The following SLC30A9 variants were observed in gnomAD, a reference collection of about 807,000 sequenced individuals.
The protein encoded by SLC30A9 is solute carrier family 30 member 9, also known as proton-coupled zinc antiporter SLC30A9, mitochondrial.
Under a neutral mutation model 87.5 loss-of-function variants are expected in SLC30A9, and 58 were observed. That is an observed-to-expected ratio of 0.66 (90% CI 0.54 to 0.82). The LOEUF (loss-of-function observed/expected upper bound fraction) is 0.82. SLC30A9 is among the 40% of genes least tolerant of loss of function. SLC30A9 has a pLI of 0.00. For missense variants in SLC30A9, 557 were observed against 679.1 expected (o/e 0.82, Z 2.00); for synonymous variants, 234 against 233.0 (o/e 1.00, Z -0.04).
intron 1 of SLC30A9, among the ~76,000 whole-genome samples, chr4:41,995,257 T>TC (rs1714649005): frequency 1.3e-5 from 2 of 151,260 alleles, no homozygotes; most frequent in Admixed American, 6.6e-5. Context: ...CAAAACTCCG[T>TC]CCCCCCACCA....
Position 42,083,479 on chromosome 4 carries a change from G to A in SLC30A9, c.1663-2603G>A, listed in dbSNP as rs192853156. On this transcript the variant is annotated intron_variant, in intron 17 of 17. Transcript: ENST00000264451. ...TAAGCAGTAAACATTGAATTTTAAG[G>A]ATATTAATCATATTTATTCATTCAG... Among the ~76,000 whole-genome samples, 185 of 152,150 alleles carry A rather than the reference G, an allele frequency of 1.2e-3. 1 individual carries two copies. The highest frequency in any genetic ancestry group is 2.9e-3 in the Admixed American group (45 of 15,288).
At chr4:42,002,741 G>A (rs182990040) in intron 2 of SLC30A9, among the ~76,000 whole-genome samples, 1 of 152,176 alleles carries the variant, frequency 6.6e-6, no homozygotes, top group Admixed American at 6.5e-5. Context: ...GAACATATGA[G>A]TGCATGTGTC....
At chr4:42,072,622 G>A (rs1346708626) in intron 15 of SLC30A9, among the ~76,000 whole-genome samples, 1 of 151,976 alleles carries the variant, frequency 6.6e-6, no homozygotes, top group African/African-American at 2.4e-5. Flanking sequence ...TTTTATATTA[G>A]TTCTGTCCTT....
chr4:42,033,977 G>A lies in SLC30A9; in HGVS notation c.611-1298G>A, dbSNP rs181958425. Among the ~76,000 whole-genome samples, 66 of 152,146 alleles carry A rather than the reference G, an allele frequency of 4.3e-4. 1 individual carries two copies. In the East Asian group the frequency reaches 5.2e-3, roughly 12 times the overall value. On this transcript the variant is annotated intron_variant, in intron 6 of 17. Transcript: ENST00000264451. ...ATAATACTCTGTTTTTTGATATACCGTAATGTATTCAATCATTCCCCCATA... is the reference window on the plus strand; with the variant it reads ...ATAATACTCTGTTTTTTGATATACCATAATGTATTCAATCATTCCCCCATA...
chr4:42,062,151 G>A (rs1717882251), intron 10 of SLC30A9, among the ~76,000 whole-genome samples: 1 of 149,764 alleles, frequency 6.7e-6, no homozygotes, highest in African/African-American at 2.5e-5. Flanking sequence ...CCAAGATCCT[G>A]CCATTGCACT....
Position 41,990,574 on chromosome 4 carries a change from G to C in SLC30A9, c.-78G>C. On this transcript the variant is annotated 5_prime_UTR_variant, in exon 1 of 18. Transcript: ENST00000264451. ...AGCCATCGGTGTTCGCTGATGTCCAGTCTATGGAGTCAGTTGGTACCGGTG... is the reference window on the plus strand; with the variant it reads ...AGCCATCGGTGTTCGCTGATGTCCACTCTATGGAGTCAGTTGGTACCGGTG... The C allele has an allele frequency of 1.2e-6, 1 of 841,496 alleles. No homozygotes were observed. Among genetic ancestry groups the C allele is most frequent in the Non-Finnish European group, 1.9e-6 (1 of 529,364 alleles). The allele number at this position is 841,496 out of a possible 1,614,324, so 52.1% of individuals were successfully genotyped here.
intron 1 of SLC30A9, among the ~76,000 whole-genome samples, chr4:41,999,879 G>T (rs1317209922): frequency 6.6e-6 from 1 of 151,976 alleles, no homozygotes; most frequent in African/African-American, 2.4e-5. Flanking sequence ...TGTTATGGTT[G>T]TGTTAAAGTT....
At chr4:41,994,482 G>A (rs1714605454) in intron 1 of SLC30A9, among the ~76,000 whole-genome samples, 1 of 151,120 alleles carries the variant, frequency 6.6e-6, no homozygotes, top group African/African-American at 2.4e-5. Flanking sequence ...AGACACTTAA[G>A]TATACTAGAT....
rs58663550 is a variant in SLC30A9, at chr4:42,089,419, T to G, written c.*3293T>G. 6,439 of 151,936 alleles carry G rather than the reference T, an allele frequency of 0.042. 177 individuals carry two copies. Among genetic ancestry groups the G allele is most frequent in the African/African-American group, 0.058 (2,392 of 41,362 alleles). The allele number at this position is 151,936 out of a possible 1,614,324, so 9.4% of individuals were successfully genotyped here. A position where few individuals can be genotyped will look rare whatever the true frequency, so the allele number is the denominator to read the frequency against. ...AGTGGGAGGATGAGGGGTGGAGTGTTTTTGTTTTTTTTGTTTTTTTTTGAG... is the reference window on the plus strand; with the variant it reads ...AGTGGGAGGATGAGGGGTGGAGTGTGTTTGTTTTTTTTGTTTTTTTTTGAG... On this transcript the variant is annotated 3_prime_UTR_variant, in exon 18 of 18. Transcript: ENST00000264451.
At chr4:42,006,023 A>G (rs1715186070) in intron 2 of SLC30A9, among the ~76,000 whole-genome samples, 1 of 152,224 alleles carries the variant, frequency 6.6e-6, no homozygotes, top group African/African-American at 2.4e-5. Flanking sequence ...TCTGTACTGA[A>G]CATATACAGA....
chr4:42,081,856 A>G (rs1399378547), intron 17 of SLC30A9, among the ~76,000 whole-genome samples: 1 of 152,174 alleles, frequency 6.6e-6, no homozygotes. Context: ...TGAATTATGT[A>G]AGTCTTTCAA....
Position 42,088,919 on chromosome 4 carries a change from CAG to C in SLC30A9, c.*2796_*2797del, listed in dbSNP as rs532909835. On this transcript the variant is annotated 3_prime_UTR_variant, in exon 18 of 18. Transcript: ENST00000264451. ...GATCATGCCACTCCAGCCTGAATGA[CAG>C]AGTGAGATCCTGTCTCAAAAAGAGA... 3.0e-4 allele frequency: 45 copies of C among 152,302 alleles called. No individual in the cohort carries two copies. Among genetic ancestry groups the C allele is most frequent in the African/African-American group, 1.1e-3 (45 of 41,562 alleles). The allele number at this position is 152,302 out of a possible 1,614,324, so 9.4% of individuals were successfully genotyped here.
chr4:42,060,147 C>T (rs781494638), intron 9 of SLC30A9, 44 bp from the exon 10 acceptor site: 5 of 1,453,500 alleles, frequency 3.4e-6, no homozygotes, highest in Non-Finnish European at 3.9e-6. Context: ...TTATACTCTC[C>T]ATCTTGCTAA....
intron 10 of SLC30A9, among the ~76,000 whole-genome samples, chr4:42,061,804 G>T (rs1285956021): frequency 6.6e-6 from 1 of 152,168 alleles, no homozygotes; most frequent in East Asian, 1.9e-4. Context: ...GGAAGCTGAG[G>T]CAGGAGAGTC....
chr4:42,027,365 G>C (rs1450656456), intron 6 of SLC30A9, among the ~76,000 whole-genome samples: 1 of 152,260 alleles, frequency 6.6e-6, no homozygotes, highest in African/African-American at 2.4e-5. Context: ...CAGAGACTGC[G>C]TGTGGTGCTC....
intron 17 of SLC30A9, among the ~76,000 whole-genome samples, chr4:42,080,949 C>G (rs1577726854): frequency 6.6e-6 from 1 of 152,204 alleles, no homozygotes; most frequent in Non-Finnish European, 1.5e-5. Context: ...TATGGGTACA[C>G]TCTCAGGCTG....
chr4:42,029,970 A>G, intron 6 of SLC30A9: 1 of 898,938 alleles, frequency 1.1e-6, no homozygotes, highest in Non-Finnish European at 1.8e-6. Context: ...CCTGCAGCCC[A>G]AATACCTGCA....
At chr4:42,064,569 G>A (rs533724225) in intron 11 of SLC30A9, among the ~76,000 whole-genome samples, 1 of 152,180 alleles carries the variant, frequency 6.6e-6, no homozygotes, top group African/African-American at 2.4e-5. Flanking sequence ...AAAAGATTTG[G>A]CCACTTTATG....
intron 1 of SLC30A9, among the ~76,000 whole-genome samples, chr4:41,999,107 G>C (rs377610230): frequency 1.4e-4 from 22 of 152,232 alleles, no homozygotes; most frequent in African/African-American, 5.1e-4. Flanking sequence ...TCAGGATAAT[G>C]ACTAAACTAG....
Sources: allele counts gnomAD v4.1 joint callset (sites outside exome capture counted in the v4.1 genomes callset), GRCh38; gene constraint gnomAD v4.1.1; transcripts MANE v1.5; gene names NCBI Gene and HGNC (gene_info 2026-07-23, HGNC 2026-07-21).